The following MEGF9 variants were observed in gnomAD, a reference collection of about 807,000 sequenced individuals.
MEGF9 encodes the protein multiple epidermal growth factor-like domains protein 9.
A neutral mutation model predicts 46.8 loss-of-function variants in MEGF9; 6 were observed. That is an observed-to-expected ratio of 0.13 (90% confidence interval 0.07 to 0.25). MEGF9 has a LOEUF of 0.25. MEGF9 is among the 10% of genes least tolerant of loss of function. The pLI is 1.00. For synonymous variants in MEGF9, 302 were observed against 330.7 expected (o/e 0.91, Z 0.94); for missense variants, 683 against 792.4 (o/e 0.86, Z 1.66).
chr9:120,711,869 A>ACACACACACACACACACACACACACACC (rs1205420778), intron 1 of MEGF9, among the ~76,000 whole-genome samples: 5 of 149,948 alleles, frequency 3.3e-5, no homozygotes, highest in African/African-American at 1.3e-4. Flanking sequence ...ACACACACAC[A>ACACACACACACACACACACACACACACC]CACCCACAGG....
chr9:120,644,760 C>T (rs1405515316), intron 2 of MEGF9, among the ~76,000 whole-genome samples: 1 of 152,152 alleles, frequency 6.6e-6, no homozygotes, highest in African/African-American at 2.4e-5. Context: ...AATGTTAGTG[C>T]TGTTCATTCT....
At chr9:120,680,846 T>C (rs2043795847) in intron 1 of MEGF9, among the ~76,000 whole-genome samples, 1 of 152,090 alleles carries the variant, frequency 6.6e-6, no homozygotes. Context: ...CCACTGTCGA[T>C]GTTCATTTAA....
intron 2 of MEGF9, among the ~76,000 whole-genome samples, chr9:120,650,129 C>T (rs1298445290): frequency 1.3e-5 from 2 of 152,010 alleles, no homozygotes; most frequent in South Asian, 2.1e-4. Context: ...ATTAGCCGGG[C>T]GTGGTGGCGG....
chr9:120,656,202 T>G (rs1319325929), intron 2 of MEGF9, among the ~76,000 whole-genome samples: 1 of 152,136 alleles, frequency 6.6e-6, no homozygotes, highest in African/African-American at 2.4e-5. Context: ...ATCAAAATTC[T>G]CAGTCAAAAT....
intron 2 of MEGF9, among the ~76,000 whole-genome samples, chr9:120,648,522 G>T (rs973270517): frequency 2.0e-5 from 3 of 151,932 alleles, no homozygotes; most frequent in African/African-American, 7.3e-5. Flanking sequence ...AAATGCAACT[G>T]CCTCTCTTAA....
rs1204005866 is a variant in MEGF9 at position 120,600,990 on chromosome 9, T to C, written c.*4200A>G. 1 of 152,684 alleles carries C rather than the reference T, an allele frequency of 6.5e-6. No individual in the cohort carries two copies. Among genetic ancestry groups the C allele is most frequent in the Admixed American group, 6.5e-5 (1 of 15,286 alleles). The allele number at this position is 152,684 out of a possible 1,614,324, so 9.5% of individuals were successfully genotyped here. On this transcript the variant is annotated 3_prime_UTR_variant, in exon 6 of 6. Coordinates refer to ENST00000373930, the MANE Select transcript of MEGF9 (RefSeq NM_001080497.3). ...ACACTCTTGTATAAATTCTTTCATA[T>C]ATTCAAATCATACACAAATTTAGAA...
intron 2 of MEGF9, among the ~76,000 whole-genome samples, chr9:120,652,478 T>TAAAAAAAAAAAAAA (rs57268783): frequency 3.5e-5 from 3 of 85,592 alleles, no homozygotes; most frequent in African/African-American, 4.5e-5. Flanking sequence ...GATCTTGTCT[T>TAAAAAAAAAAAAAA]AAAAAAAAAA....
intron 1 of MEGF9, among the ~76,000 whole-genome samples, chr9:120,704,372 A>G (rs1023088995): frequency 3.9e-5 from 6 of 151,932 alleles, no homozygotes; most frequent in African/African-American, 4.8e-5. Context: ...ATGAGCCCTC[A>G]CAGTCAAGTT....
chr9:120,708,737 T>C (rs1205723984), intron 1 of MEGF9, among the ~76,000 whole-genome samples: 2 of 152,206 alleles, frequency 1.3e-5, no homozygotes, highest in African/African-American at 4.8e-5. Context: ...CGCAGGTAAA[T>C]GCAAATAAAC....
intron 3 of MEGF9, among the ~76,000 whole-genome samples, chr9:120,621,920 T>C (rs1267103735): frequency 6.8e-6 from 1 of 146,682 alleles, no homozygotes; most frequent in Non-Finnish European, 1.5e-5. Flanking sequence ...CTGTGTCTCC[T>C]TAGCCCTAAA....
At chr9:120,692,403 A>G (rs1233291009) in intron 1 of MEGF9, among the ~76,000 whole-genome samples, 1 of 152,234 alleles carries the variant, frequency 6.6e-6, no homozygotes, top group Non-Finnish European at 1.5e-5. Flanking sequence ...GTTATCTAGC[A>G]TTTAATCCAA....
intron 1 of MEGF9, among the ~76,000 whole-genome samples, chr9:120,682,846 T>C (rs539711195): frequency 6.6e-6 from 1 of 152,270 alleles, no homozygotes; most frequent in Admixed American, 6.5e-5. Flanking sequence ...GCTTCCAAAG[T>C]GCTGGGATTA....
At chr9:120,673,045 G>T (rs554296275) in intron 1 of MEGF9, among the ~76,000 whole-genome samples, 1 of 152,008 alleles carries the variant, frequency 6.6e-6, no homozygotes, top group Non-Finnish European at 1.5e-5. Flanking sequence ...AAATAAGGTT[G>T]CAAGATACAA....
chr9:120,659,028 A>G (rs974932371), intron 2 of MEGF9, among the ~76,000 whole-genome samples: 1 of 152,242 alleles, frequency 6.6e-6, no homozygotes, highest in Non-Finnish European at 1.5e-5. Context: ...ATATTAATAA[A>G]CATAAGAACA....
At chr9:120,667,643 C>T (rs1354878017) in intron 1 of MEGF9, among the ~76,000 whole-genome samples, 3 of 152,152 alleles carry the variant, frequency 2.0e-5, no homozygotes, top group Admixed American at 2.0e-4. Flanking sequence ...TTCCTGATTT[C>T]TGAATTGAAA....
chr9:120,649,728 C>G (rs2043641540), intron 2 of MEGF9, among the ~76,000 whole-genome samples: 1 of 152,040 alleles, frequency 6.6e-6, no homozygotes, highest in African/African-American at 2.4e-5. Flanking sequence ...TTTCTATGAC[C>G]AGAAATATGC....
chr9:120,634,346 CT>C (rs567199998), intron 2 of MEGF9, among the ~76,000 whole-genome samples: 91 of 150,688 alleles, frequency 6.0e-4, no homozygotes, highest in Non-Finnish European at 1.0e-3. Context: ...ATATAATGAC[CT>C]TTTTTGTCTC....
chr9:120,614,909 C>T (rs548310272), intron 3 of MEGF9, among the ~76,000 whole-genome samples: 1 of 151,854 alleles, frequency 6.6e-6, no homozygotes, highest in Admixed American at 6.6e-5. Flanking sequence ...TGTTGCTACC[C>T]TTTATATACA....
intron 4 of MEGF9, among the ~76,000 whole-genome samples, chr9:120,609,179 C>T (rs1364936770): frequency 6.6e-6 from 1 of 152,216 alleles, no homozygotes; most frequent in Non-Finnish European, 1.5e-5. Context: ...TCACACTCCA[C>T]CACCCCCTAA....
Sources: gnomAD v4.1 joint callset for allele counts (sites outside exome capture counted in the v4.1 genomes callset) on GRCh38, gnomAD v4.1.1 for gene constraint, MANE v1.5 for transcripts, NCBI Gene and HGNC (gene_info 2026-07-23, HGNC 2026-07-21) for gene names.